Variants in SHISA8 observed in about 807,000 individuals in gnomAD.
The protein encoded by SHISA8 is shisa family member 8, also known as protein shisa-8.
SHISA8 carries 21 observed loss-of-function variants against 21.1 expected under a neutral mutation model. The ratio of observed to expected loss-of-function variants is 0.99; its 90% CI spans 0.71 to 1.43. The LOEUF is 1.43. SHISA8 is among the 40% of genes most tolerant of loss of function. The pLI is 0.00. For synonymous variants in SHISA8, 300 were observed against 291.4 expected, an observed-to-expected ratio of 1.03 and a Z score of -0.30; for missense variants, 535 against 599.1, an observed-to-expected ratio of 0.89 and a Z score of 1.12.
chr22:41,915,052 GCT>G lies in SHISA8; in HGVS notation c.-387_-386del, dbSNP rs2077579638. ...CCCGACTGCGCTACCTTCCCGCCGC[GCT>G]CTCAGTACAGCCCGCGCTCTGGCTC... On this transcript the variant is annotated 5_prime_UTR_variant, in exon 1 of 4. Transcript: ENST00000621082. This position sits in a 1 kb window ranked among gnomAD's most constrained non-coding sequence, Gnocchi z 5.0. 6.6e-6 allele frequency among the ~76,000 whole-genome samples: 1 copy of G among 151,882 alleles called. No homozygotes were observed.
Position 41,909,628 on chromosome 22 carries a change from G to A in SHISA8, c.*137C>T, listed in dbSNP as rs1365447068. 1.9e-5 allele frequency: 23 copies of A among 1,190,504 alleles called. No individual in the cohort carries two copies. The highest frequency in any genetic ancestry group is 2.0e-5 in the Non-Finnish European group (19 of 928,328). 73.7% of individuals were successfully genotyped at this position (1,190,504 alleles called of 1,614,324 possible). A position where few individuals can be genotyped will look rare whatever the true frequency, so the allele number is the denominator to read the frequency against. On this transcript the variant is annotated 3_prime_UTR_variant, in exon 4 of 4. Coordinates refer to ENST00000621082, the MANE Select transcript of SHISA8 (RefSeq NM_001207020.3). Reference sequence around the variant, plus strand: ...TATTTACAAGACGAACCCGCGGCCTGCAGGCTCCAAGACACCACTGCCGTT... The same window carrying A: ...TATTTACAAGACGAACCCGCGGCCTACAGGCTCCAAGACACCACTGCCGTT...
chr22:41,909,992 C>G lies in SHISA8; in HGVS notation c.967G>C (p.Gly323Arg). ...PPVYAPPAAP[G>R]PYAAWTSSRP... ...CTGGAGGTCCAGGCGGCATAGGGGC[C>G]CGGCGCGGCAGGGGGCGCGTAGACC... The change falls in exon 4 of 4, where the codon GGC becomes CGC. Residue 323 changes from glycine to arginine, a missense_variant. Physicochemically the swap from Gly to Arg is moderately radical, Grantham distance 125. Transcript: ENST00000621082. The G allele has an allele frequency of 7.6e-7, 1 of 1,318,714 alleles. No individual in the cohort carries two copies. Among genetic ancestry groups the G allele is most frequent in the Non-Finnish European group, 9.6e-7 (1 of 1,042,428 alleles). The allele number at this position is 1,318,714 out of a possible 1,614,324, so 81.7% of individuals were successfully genotyped here. A position where few individuals can be genotyped will look rare whatever the true frequency, so the allele number is the denominator to read the frequency against.
intron 1 of SHISA8, 142 bp downstream of exon 1, chr22:41,913,996 G>C: frequency 3.5e-6 from 3 of 849,904 alleles, no homozygotes; most frequent in South Asian, 5.7e-5. Flanking sequence ...TGTTGGGGGG[G>C]CGGCGGGGGG....
At chr22:41,911,477 C>G (rs1249609894) in intron 1 of SHISA8, 128 bp from the exon 2 acceptor site, 10 of 1,030,394 alleles carry the variant, frequency 9.7e-6, no homozygotes, top group Non-Finnish European at 1.0e-5. Context: ...CTCTCCGGTG[C>G]TCGAAATCAC....
Position 41,910,595 on chromosome 22 carries a change from G to A in SHISA8, c.665-41C>T, listed in dbSNP as rs2077544753. ...AGACGCGGCTCGGTCCGATGCCCCG[G>A]TTCACTCCGCCCTCGCTGTCACCTC... On this transcript the variant is annotated intron_variant, in intron 2 of 3. Transcript: ENST00000621082. The surrounding 1 kb of genome is among the most constrained non-coding windows in gnomAD (Gnocchi z 6.8). 3 of 1,217,622 alleles carry A rather than the reference G, an allele frequency of 2.5e-6. No homozygotes were observed. Among genetic ancestry groups the A allele is most frequent in the Non-Finnish European group, 3.1e-6 (3 of 978,270 alleles). 75.4% of individuals were successfully genotyped at this position (1,217,622 alleles called of 1,614,324 possible). A position where few individuals can be genotyped will look rare whatever the true frequency, so the allele number is the denominator to read the frequency against.
chr22:41,910,521 G>T lies in SHISA8; in HGVS notation c.698C>A (p.Ser233Ter). 8.0e-7 allele frequency: 1 copy of T among 1,245,140 alleles called. No individual in the cohort carries two copies. Among genetic ancestry groups the T allele is most frequent in the Non-Finnish European group, 1.0e-6 (1 of 998,596 alleles). 77.1% of individuals were successfully genotyped at this position (1,245,140 alleles called of 1,614,324 possible). ...KKRLNNAPRG[S>*]AAPGPPRGPR... Reference sequence around the variant, plus strand: ...GCCGCGCGGGGGCCCCGGGGCGGCCGACCCCCGGGGCGCGTTGTTGAGGCG... The same window carrying T: ...GCCGCGCGGGGGCCCCGGGGCGGCCTACCCCCGGGGCGCGTTGTTGAGGCG... Residue 233 changes from serine (S) to a stop codon, truncating the protein, a stop_gained, in exon 3 of 4, where the codon TCG becomes TAG. Transcript: ENST00000621082. LOFTEE classifies it high-confidence loss of function. The surrounding 1 kb of genome is among the most constrained non-coding windows in gnomAD (Gnocchi z 6.8).
Position 41,914,542 on chromosome 22 carries a change from C to T in SHISA8, c.126G>A (p.Glu42=), listed in dbSNP as rs2077573777. ...TGCCGGGCGCCGCGGGACCCTGCGC[C>T]TCGGGGGCTCCCGCGCGGCCCGACG... ...RPPSGRAGAP[E]AQGPAAPGTT... The change falls in exon 1 of 4, where the codon GAG becomes GAA. Residue 42 remains glutamate (E), a synonymous_variant. Coordinates refer to ENST00000621082, the MANE Select transcript of SHISA8 (RefSeq NM_001207020.3). This position sits in a 1 kb window ranked among gnomAD's most constrained non-coding sequence, Gnocchi z 6.8. 1.0e-5 allele frequency: 12 copies of T among 1,198,888 alleles called. No homozygotes were observed. Among genetic ancestry groups the T allele is most frequent in the East Asian group, 3.4e-5 (1 of 28,986 alleles). The allele number at this position is 1,198,888 out of a possible 1,614,324, so 74.3% of individuals were successfully genotyped here.
chr22:41,912,564 C>T (rs745687057), intron 1 of SHISA8, among the ~76,000 whole-genome samples: 1 of 152,170 alleles, frequency 6.6e-6, no homozygotes. Flanking sequence ...TGGGCCTTTG[C>T]ACAAACTCTT....
At position 41,910,107 on chromosome 22, in the gene SHISA8, G is replaced by A; in HGVS notation, c.852C>T (p.Leu284=). The A allele has an allele frequency of 1.6e-6, 2 of 1,239,540 alleles. No homozygotes were observed. The highest frequency in any genetic ancestry group is 3.9e-5 in the South Asian group (1 of 25,610). The allele number at this position is 1,239,540 out of a possible 1,614,324, so 76.8% of individuals were successfully genotyped here. Residue 284 remains leucine (L), a synonymous_variant, in exon 4 of 4, where the codon CTC becomes CTT. Coordinates refer to ENST00000621082, the MANE Select transcript of SHISA8 (RefSeq NM_001207020.3). The surrounding 1 kb of genome is among the most constrained non-coding windows in gnomAD (Gnocchi z 6.8). Reference sequence around the variant, plus strand: ...CCGGGGGTTGCCGCGGGGACGGCTCGAGGGCGGGGAAACGCTGACAGAAGT... The same window carrying A: ...CCGGGGGTTGCCGCGGGGACGGCTCAAGGGCGGGGAAACGCTGACAGAAGT... ...PRDFCQRFPA[L]EPSPRQPPAR...
In SHISA8 at chr22:41,910,307, G is replaced by T; in HGVS notation, c.811+101C>A. On this transcript the variant is annotated intron_variant, in intron 3 of 3. Coordinates refer to ENST00000621082, the MANE Select transcript of SHISA8 (RefSeq NM_001207020.3). The surrounding 1 kb of genome is among the most constrained non-coding windows in gnomAD (Gnocchi z 6.8). ...AGCCGATTGGCCGAGCGGCGGGCGC[G>T]CGGAACTGGGAATTTGGCGCTTGGA... 4.8e-6 allele frequency: 6 copies of T among 1,240,548 alleles called. No homozygotes were observed. The highest frequency in any genetic ancestry group is 1.6e-5 in the African/African-American group (1 of 63,884). The allele number at this position is 1,240,548 out of a possible 1,614,324, so 76.8% of individuals were successfully genotyped here.
chr22:41,911,404 G>GC, intron 1 of SHISA8, 55 bp from the exon 2 acceptor site: 1 of 1,234,656 alleles, frequency 8.1e-7, no homozygotes, highest in Non-Finnish European at 1.0e-6. Context: ...TCAAAAGCCA[G>GC]CCCCGGCCAC....
intron 1 of SHISA8, among the ~76,000 whole-genome samples, chr22:41,911,608 G>A (rs889535774): frequency 5.3e-5 from 8 of 151,882 alleles, no homozygotes; most frequent in Admixed American, 3.3e-4. Context: ...CCCCTCCCTG[G>A]AGCCCACTCT....
chr22:41,910,420 GCGCGGCGGCCTTGAA>G lies in SHISA8; in HGVS notation c.784_798del (p.Phe262_Ala266del), dbSNP rs2077541894. ...ACCCGCCACTCACCTGCGGCCTTGA[GCGCGGCGGCCTTGAA>G]CGTGGCGTACTTGGCGTAGTCTGGC... is the stretch of plus-strand genomic sequence containing the variant. On this transcript the variant is annotated inframe_deletion, in exon 3 of 4. Transcript: ENST00000621082. The surrounding 1 kb of genome is among the most constrained non-coding windows in gnomAD (Gnocchi z 6.8). 1 of 1,357,398 alleles carries G rather than the reference GCGCGGCGGCCTTGAA, an allele frequency of 7.4e-7. No individual in the cohort carries two copies. Among genetic ancestry groups the G allele is most frequent in the Non-Finnish European group, 9.5e-7 (1 of 1,054,946 alleles). The allele number at this position is 1,357,398 out of a possible 1,614,324, so 84.1% of individuals were successfully genotyped here.
intron 1 of SHISA8, among the ~76,000 whole-genome samples, chr22:41,912,179 C>A (rs2077557262): frequency 6.6e-6 from 1 of 152,208 alleles, no homozygotes; most frequent in African/African-American, 2.4e-5. Context: ...GCCCAGGACC[C>A]ACAGGCTGTG....
Position 41,914,008 on chromosome 22 carries a change from G to A in SHISA8, c.530+130C>T. On this transcript the variant is annotated intron_variant, in intron 1 of 3. Coordinates refer to ENST00000621082, the MANE Select transcript of SHISA8 (RefSeq NM_001207020.3). The surrounding 1 kb of genome is among the most constrained non-coding windows in gnomAD (Gnocchi z 6.8). ...AAGTGTTGGGGGGGCGGCGGGGGGA[G>A]AAGGAGACAGGAAAACCCAGAGAAG... 9.9e-7 allele frequency: 1 copy of A among 1,006,588 alleles called. No homozygotes were observed. Among genetic ancestry groups the A allele is most frequent in the South Asian group, 2.6e-5 (1 of 38,454 alleles). 62.4% of individuals were successfully genotyped at this position (1,006,588 alleles called of 1,614,324 possible). A position where few individuals can be genotyped will look rare whatever the true frequency, so the allele number is the denominator to read the frequency against.
chr22:41,912,348 T>C (rs1602364378), intron 1 of SHISA8, among the ~76,000 whole-genome samples: 1 of 152,218 alleles, frequency 6.6e-6, no homozygotes, highest in East Asian at 1.9e-4. Context: ...AATGGCTGAT[T>C]CGTGAAGGTC....
At position 41,910,065 on chromosome 22, in the gene SHISA8, T is replaced by A; in HGVS notation, c.894A>T (p.Pro298=). The change falls in exon 4 of 4, where the codon CCA becomes CCT. Residue 298 remains proline (P), a synonymous_variant. Transcript: ENST00000621082. The surrounding 1 kb of genome is among the most constrained non-coding windows in gnomAD (Gnocchi z 6.8). ...CCAGCGGCGCAGGCAAGTCCGGGGA[T>A]GGTCGCGGAGCCCGCGCCGGGGGTT... ...PRQPPARAPR[P]SPDLPAPLDA... 8.0e-7 allele frequency: 1 copy of A among 1,242,374 alleles called. No individual in the cohort carries two copies. Among genetic ancestry groups the A allele is most frequent in the African/African-American group, 1.6e-5 (1 of 64,104 alleles). The allele number at this position is 1,242,374 out of a possible 1,614,324, so 77.0% of individuals were successfully genotyped here.
At chr22:41,912,820 C>T (rs1383451485) in intron 1 of SHISA8, among the ~76,000 whole-genome samples, 2 of 152,186 alleles carry the variant, frequency 1.3e-5, no homozygotes, top group East Asian at 1.9e-4. Flanking sequence ...GGCTTTCCTG[C>T]GGCATCACCA....
Position 41,910,021 on chromosome 22 carries a change from G to A in SHISA8, c.938C>T (p.Pro313Leu). ...CGCGGCAGGGGGCGCGTAGACCGGC[G>A]GGGCCCAGGGGCAGGCGTCCAGCGG... The part of the protein sequence containing the change: ...PAPLDACPWA[P>L]PVYAPPAAPG... Residue 313 changes from proline to leucine, a missense_variant, in exon 4 of 4, where the codon CCG becomes CTG. Physicochemically the swap from Pro to Leu is moderately conservative, Grantham distance 98. Coordinates refer to ENST00000621082, the MANE Select transcript of SHISA8 (RefSeq NM_001207020.3). This position sits in a 1 kb window ranked among gnomAD's most constrained non-coding sequence, Gnocchi z 6.8. The A allele has an allele frequency of 7.9e-7, 1 of 1,268,668 alleles. No individual in the cohort carries two copies. Among genetic ancestry groups the A allele is most frequent in the Non-Finnish European group, 9.9e-7 (1 of 1,013,864 alleles). The allele number at this position is 1,268,668 out of a possible 1,614,324, so 78.6% of individuals were successfully genotyped here.
Sources: gnomAD v4.1 joint callset for allele counts (sites outside exome capture counted in the v4.1 genomes callset) on GRCh38, gnomAD v4.1.1 for gene constraint, Gnocchi (gnomAD v3.1) non-coding constraint, MANE v1.5 for transcripts, NCBI Gene and HGNC (gene_info 2026-07-23, HGNC 2026-07-21) for gene names.